The following EYS variants were observed in gnomAD, a reference collection of about 807,000 sequenced individuals.
The protein encoded by EYS is protein eyes shut homolog.
A neutral mutation model predicts 282.1 loss-of-function variants in EYS; 250 were observed. The ratio of observed to expected loss-of-function variants is 0.89; its 90% CI spans 0.80 to 0.98. The LOEUF is 0.98. Among genes scored for constraint, EYS ranks in the 50% least tolerant of loss-of-function variants. The pLI is 0.00. For missense variants in EYS, 4,016 were observed against 3,709.0 expected, an observed-to-expected ratio of 1.08 and a Z score of -2.15; for synonymous variants, 1,355 against 1,282.9, an observed-to-expected ratio of 1.06 and a Z score of -1.20.
At chr6:65,396,007 G>A (rs1766266355) in intron 7 of EYS, among the ~76,000 whole-genome samples, 1 of 152,140 alleles carries the variant, frequency 6.6e-6, no homozygotes, top group South Asian at 2.1e-4. Flanking sequence ...ATTCATCCAT[G>A]CTGCCGCAGA....
chr6:64,009,513 T>C (rs1403411970), intron 33 of EYS, among the ~76,000 whole-genome samples: 1 of 152,134 alleles, frequency 6.6e-6, no homozygotes, highest in Non-Finnish European at 1.5e-5. Flanking sequence ...CTCAATCTCT[T>C]GACCTCGTGA....
chr6:63,810,534 G>A (rs967545307), intron 36 of EYS, among the ~76,000 whole-genome samples: 2 of 152,282 alleles, frequency 1.3e-5, no homozygotes, highest in East Asian at 3.9e-4. Flanking sequence ...GGAGGCAGCT[G>A]GGGCTGGCCA....
chr6:64,514,534 A>G (rs993945128), intron 26 of EYS, among the ~76,000 whole-genome samples: 1 of 151,900 alleles, frequency 6.6e-6, no homozygotes, highest in Non-Finnish European at 1.5e-5. Context: ...CAAAGGCATA[A>G]GGTTTGAGAA....
intron 22 of EYS, among the ~76,000 whole-genome samples, chr6:64,632,865 T>C (rs532852864): frequency 6.6e-6 from 1 of 152,252 alleles, no homozygotes; most frequent in African/African-American, 2.4e-5. Context: ...GATCACATTA[T>C]ATGCTCTAAA....
intron 31 of EYS, among the ~76,000 whole-genome samples, chr6:64,158,651 CA>C (rs1263876049): frequency 6.6e-6 from 1 of 152,192 alleles, no homozygotes; most frequent in Non-Finnish European, 1.5e-5. Flanking sequence ...TTTACCTGAA[CA>C]ATCGTTGGGT....
intron 12 of EYS, among the ~76,000 whole-genome samples, chr6:65,116,441 A>G (rs796342814): frequency 1.3e-5 from 2 of 152,144 alleles, no homozygotes; most frequent in Non-Finnish European, 2.9e-5. Flanking sequence ...AAAAGGGGAT[A>G]CAAGTGCTAT....
chr6:65,093,591 C>T (rs1208721730), intron 12 of EYS, among the ~76,000 whole-genome samples: 2 of 151,756 alleles, frequency 1.3e-5, no homozygotes, highest in Admixed American at 1.3e-4. Context: ...TGCTGTAAGA[C>T]AAGCATGCCT....
chr6:64,348,197 C>A (rs1274986759), intron 29 of EYS, among the ~76,000 whole-genome samples: 1 of 151,368 alleles, frequency 6.6e-6, no homozygotes, highest in African/African-American at 2.4e-5. Flanking sequence ...ATGCACTTCT[C>A]ATTTGTTTCT....
At chr6:63,749,276 C>T (rs1212523966) in intron 41 of EYS, among the ~76,000 whole-genome samples, 2 of 152,032 alleles carry the variant, frequency 1.3e-5, no homozygotes, top group Non-Finnish European at 2.9e-5. Context: ...ATTCAATTTC[C>T]ATGTAATTGT....
chr6:64,746,038 A>G (rs1772545858), intron 22 of EYS, among the ~76,000 whole-genome samples: 1 of 152,108 alleles, frequency 6.6e-6, no homozygotes, highest in Admixed American at 6.5e-5. Context: ...TATTTCTCAT[A>G]CTTTAAATTT....
chr6:64,507,911 C>T (rs765706888), intron 26 of EYS, among the ~76,000 whole-genome samples: 1 of 152,130 alleles, frequency 6.6e-6, no homozygotes, highest in Non-Finnish European at 1.5e-5. Context: ...GGCAAGTACA[C>T]TTTTTAAGTA....
intron 31 of EYS, among the ~76,000 whole-genome samples, chr6:64,204,562 C>T (rs1169002329): frequency 6.6e-6 from 1 of 152,000 alleles, no homozygotes; most frequent in Admixed American, 6.6e-5. Flanking sequence ...ATGGATGAAT[C>T]TCAAAAACAC....
At chr6:64,087,266 A>G (rs1772186701) in intron 31 of EYS, among the ~76,000 whole-genome samples, 1 of 152,152 alleles carries the variant, frequency 6.6e-6, no homozygotes. Flanking sequence ...AGTGACTACT[A>G]CATCCCAAAT....
intron 12 of EYS, among the ~76,000 whole-genome samples, chr6:65,080,172 T>G (rs572708111): frequency 6.6e-6 from 1 of 152,162 alleles, no homozygotes; most frequent in African/African-American, 2.4e-5. Flanking sequence ...ACATTCATCA[T>G]TCAGAACAGG....
At chr6:64,491,936 AAT>A (rs1293918030) in intron 26 of EYS, among the ~76,000 whole-genome samples, 2 of 151,208 alleles carry the variant, frequency 1.3e-5, no homozygotes, top group Non-Finnish European at 3.0e-5. Flanking sequence ...TACATATATT[AAT>A]CCCTTTAATG....
chr6:64,826,697 T>C (rs1765070506), intron 19 of EYS, among the ~76,000 whole-genome samples: 1 of 149,322 alleles, frequency 6.7e-6, no homozygotes. Context: ...TATATATATA[T>C]ATATATCTGT....
chr6:64,626,083 T>C (rs911845029), intron 23 of EYS, 38 bp downstream of exon 23: 4 of 1,152,964 alleles, frequency 3.5e-6, no homozygotes, highest in Non-Finnish European at 3.7e-6. Flanking sequence ...TATATATTAT[T>C]ATATATGCAG....
chr6:65,076,128 A>G (rs964405553), intron 12 of EYS, among the ~76,000 whole-genome samples: 1 of 152,086 alleles, frequency 6.6e-6, no homozygotes, highest in Admixed American at 6.6e-5. Flanking sequence ...ATGATAGATC[A>G]TACATGCTAC....
intron 29 of EYS, 96 bp downstream of exon 29, chr6:64,388,594 A>C: frequency 8.1e-7 from 1 of 1,232,038 alleles, no homozygotes; most frequent in Admixed American, 3.3e-5. Context: ...CACTAGCCAG[A>C]AAATATTTCT....
Sources: allele counts gnomAD v4.1 joint callset (sites outside exome capture counted in the v4.1 genomes callset), GRCh38; gene constraint gnomAD v4.1.1; transcripts MANE v1.5; gene names NCBI Gene and HGNC (gene_info 2026-07-23, HGNC 2026-07-21).